PRICKLE2: variants seen among roughly 807,000 people sequenced by gnomAD.
PRICKLE2 encodes prickle planar cell polarity protein 2.
A neutral mutation model predicts 81.4 loss-of-function variants in PRICKLE2; 21 were observed. That is an observed-to-expected ratio of 0.26 (90% confidence interval 0.18 to 0.37). PRICKLE2 has a LOEUF of 0.37. Among genes scored for constraint, PRICKLE2 ranks in the 10% least tolerant of loss-of-function variants. The pLI is 1.00. For missense variants in PRICKLE2, 940 were observed against 1,109.0 expected (o/e 0.85, Z 2.16); for synonymous variants, 456 against 421.5 (o/e 1.08, Z -1.00).
At chr3:64,208,429 G>A (rs773091070) in intron 1 of PRICKLE2, among the ~76,000 whole-genome samples, 9 of 152,312 alleles carry the variant, frequency 5.9e-5, no homozygotes, top group Non-Finnish European at 1.2e-4. Flanking sequence ...GGTAAGCGGA[G>A]AGTCAGAACG....
intron 7 of PRICKLE2, among the ~76,000 whole-genome samples, chr3:64,106,432 C>A (rs2076756658): frequency 1.3e-5 from 2 of 152,142 alleles, no homozygotes; most frequent in Admixed American, 1.3e-4. Context: ...GACTGTATGA[C>A]CTGCAAAGAC....
intron 2 of PRICKLE2, among the ~76,000 whole-genome samples, chr3:64,165,181 C>A (rs1465284061): frequency 2.0e-5 from 3 of 152,114 alleles, no homozygotes. Flanking sequence ...ACTCACATAC[C>A]CCCTGTCCAT....
chr3:64,250,432 G>C (rs920307683), intron 2 of PRICKLE2, among the ~76,000 whole-genome samples: 1 of 152,150 alleles, frequency 6.6e-6, no homozygotes, highest in African/African-American at 2.4e-5. Flanking sequence ...GGAACTGCTG[G>C]GCTGTTGCAG....
At chr3:64,131,998 C>T (rs942664670) in intron 7 of PRICKLE2, among the ~76,000 whole-genome samples, 3 of 152,230 alleles carry the variant, frequency 2.0e-5, no homozygotes, top group Non-Finnish European at 4.4e-5. Flanking sequence ...ATAATCTCAA[C>T]ACACTGGCCT....
At chr3:64,245,631 C>A (rs1282954751) in intron 2 of PRICKLE2, among the ~76,000 whole-genome samples, 1 of 152,186 alleles carries the variant, frequency 6.6e-6, no homozygotes, top group Admixed American at 6.5e-5. Context: ...GTATTCCTGT[C>A]TGGGCCAACC....
intron 7 of PRICKLE2, among the ~76,000 whole-genome samples, chr3:64,141,275 C>A (rs970985352): frequency 6.6e-6 from 1 of 152,196 alleles, no homozygotes; most frequent in African/African-American, 2.4e-5. Context: ...AGTTTAAATT[C>A]TGCTTTTCTA....
At chr3:64,174,664 T>G (rs970822189) in intron 2 of PRICKLE2, 2 of 201,572 alleles carry the variant, frequency 9.9e-6, no homozygotes, top group African/African-American at 4.7e-5. Context: ...GGGAAATGTT[T>G]GGTGCTTTTC....
chr3:64,142,563 G>T (rs2077380754), intron 7 of PRICKLE2, among the ~76,000 whole-genome samples: 1 of 151,996 alleles, frequency 6.6e-6, no homozygotes, highest in African/African-American at 2.4e-5. Context: ...CACCTGCCTT[G>T]GCCTCCCAAA....
At chr3:64,205,351 T>C (rs1437930868) in intron 1 of PRICKLE2, among the ~76,000 whole-genome samples, 1 of 152,180 alleles carries the variant, frequency 6.6e-6, no homozygotes, top group Non-Finnish European at 1.5e-5. Flanking sequence ...ATACACAGTA[T>C]TGTCAGGCGG....
chr3:64,125,152 G>T (rs1255734944), intron 7 of PRICKLE2, among the ~76,000 whole-genome samples: 6 of 152,188 alleles, frequency 3.9e-5, no homozygotes, highest in Admixed American at 3.9e-4. Flanking sequence ...GAAATAGCAA[G>T]AAAACTAGAA....
intron 2 of PRICKLE2, among the ~76,000 whole-genome samples, chr3:64,187,027 G>C (rs1298906005): frequency 6.6e-6 from 1 of 152,188 alleles, no homozygotes. Context: ...TTGAAAGCTA[G>C]AACTCCAATG....
In PRICKLE2 at chr3:64,203,978, A is replaced by AAC. The variant is rs143156633; in HGVS notation, c.-40-5013_-40-5012dup. Among the ~76,000 whole-genome samples, 470 of 151,146 alleles carry AAC rather than the reference A, an allele frequency of 3.1e-3. 3 individuals are homozygous for AAC. The highest frequency in any genetic ancestry group is 0.021 in the South Asian group (100 of 4,772). ...GGGTGACAGAGCGAGATGCTGTCTC[A>AAC]ACACACACACACACACATACACTCT... On this transcript the variant is annotated intron_variant, in intron 1 of 7. Coordinates refer to ENST00000638394, the MANE Select transcript of PRICKLE2 (RefSeq NM_198859.4).
rs535592220 is a variant in PRICKLE2, at chr3:64,224,315, A to G, written c.-41+595T>C. Among the ~76,000 whole-genome samples, 26 of 152,330 alleles carry G rather than the reference A, an allele frequency of 1.7e-4. No individual in the cohort carries two copies. The South Asian group carries it at 5.4e-3, about 32-fold the overall frequency. On this transcript the variant is annotated intron_variant, in intron 1 of 7. Coordinates refer to ENST00000638394, the MANE Select transcript of PRICKLE2 (RefSeq NM_198859.4). ...TGCTATGATTGGTTTTCGAGAAGCCAAGAGTGAGGAGAACTAACTATGATC... is the reference window on the plus strand; with the variant it reads ...TGCTATGATTGGTTTTCGAGAAGCCGAGAGTGAGGAGAACTAACTATGATC...
chr3:64,227,780 C>T (rs183076087), upstream of PRICKLE2, among the ~76,000 whole-genome samples: 8 of 152,286 alleles, frequency 5.3e-5, no homozygotes, highest in African/African-American at 1.9e-4. Context: ...ACATAGCAAA[C>T]ACTCAATAAG....
At chr3:64,160,286 T>C (rs1479752548) in intron 3 of PRICKLE2, among the ~76,000 whole-genome samples, 1 of 152,186 alleles carries the variant, frequency 6.6e-6, no homozygotes, top group Non-Finnish European at 1.5e-5. Context: ...CAAAAGAGCT[T>C]ACCAAAGGCT....
chr3:64,257,993 A>G (rs1194984135), intron 2 of PRICKLE2, among the ~76,000 whole-genome samples: 5 of 152,086 alleles, frequency 3.3e-5, no homozygotes, highest in African/African-American at 1.2e-4. Context: ...ATGAACCAGA[A>G]AGCAAACCCT....
At chr3:64,203,978 A>AACACAC (rs143156633) in intron 1 of PRICKLE2, among the ~76,000 whole-genome samples, 1 of 151,062 alleles carries the variant, frequency 6.6e-6, no homozygotes, top group Admixed American at 6.6e-5. Context: ...ATGCTGTCTC[A>AACACAC]ACACACACAC....
intron 2 of PRICKLE2, among the ~76,000 whole-genome samples, chr3:64,176,718 T>C (rs1405622068): frequency 6.6e-6 from 1 of 152,248 alleles, no homozygotes; most frequent in African/African-American, 2.4e-5. Context: ...GATTGAGAAG[T>C]GACCAGAAAA....
chr3:64,162,715 C>T (rs2077754538), intron 3 of PRICKLE2, among the ~76,000 whole-genome samples: 1 of 152,202 alleles, frequency 6.6e-6, no homozygotes, highest in Non-Finnish European at 1.5e-5. Context: ...GCATATTCTT[C>T]AAGTAAGAAA....
Sources: gnomAD v4.1 joint callset for allele counts (sites outside exome capture counted in the v4.1 genomes callset) on GRCh38, gnomAD v4.1.1 for gene constraint, MANE v1.5 for transcripts, NCBI Gene and HGNC (gene_info 2026-07-23, HGNC 2026-07-21) for gene names.